PGBD5: variants seen among roughly 807,000 people sequenced by gnomAD.
The protein encoded by PGBD5 is piggyBac transposable element derived 5, also known as piggyBac transposable element-derived protein 5.
Under a neutral mutation model 47.9 loss-of-function variants are expected in PGBD5, and 14 were observed. That is an observed-to-expected ratio of 0.29 (90% confidence interval 0.19 to 0.46). The LOEUF (loss-of-function observed/expected upper bound fraction) is 0.46, where lower values mean the gene tolerates loss of function less well. Among genes scored for constraint, PGBD5 ranks in the 20% least tolerant of loss-of-function variants. PGBD5 has a pLI of 1.00. For missense variants in PGBD5, 635 were observed against 716.0 expected (o/e 0.89, Z 1.29); for synonymous variants, 316 against 306.3 (o/e 1.03, Z -0.33).
At chr1:230,359,964 G>A (rs1189551622) in intron 1 of PGBD5, among the ~76,000 whole-genome samples, 1 of 152,180 alleles carries the variant, frequency 6.6e-6, no homozygotes, top group African/African-American at 2.4e-5. Context: ...AATGAGGGCC[G>A]ATTCCGCAGG....
chr1:230,351,748 T>A (rs1667563431), intron 2 of PGBD5, among the ~76,000 whole-genome samples: 1 of 152,218 alleles, frequency 6.6e-6, no homozygotes, highest in Non-Finnish European at 1.5e-5. Flanking sequence ...ACACACAGCC[T>A]CTGGTTCTCC....
chr1:230,368,045 C>T (rs1407639247), intron 1 of PGBD5: 1 of 1,367,926 alleles, frequency 7.3e-7, no homozygotes, highest in Admixed American at 1.9e-5. Context: ...GGAATGAATA[C>T]TCCCTGGAAG....
intron 1 of PGBD5, among the ~76,000 whole-genome samples, chr1:230,400,826 A>G (rs1297536589): frequency 6.6e-6 from 1 of 152,240 alleles, no homozygotes; most frequent in African/African-American, 2.4e-5. Flanking sequence ...CTCTAGCCTG[A>G]GCAACACAGC....
intron 3 of PGBD5, among the ~76,000 whole-genome samples, chr1:230,339,310 CAAACACTCA>C (rs1422928971): frequency 1.3e-5 from 2 of 152,222 alleles, no homozygotes; most frequent in African/African-American, 2.4e-5. Flanking sequence ...CTTCCCCGTC[CAAACACTCA>C]GTGTCAGTGA....
In PGBD5 at chr1:230,357,592, A is replaced by G. The variant is rs1282589391; in HGVS notation, c.332-271T>C. On this transcript the variant is annotated intron_variant, in intron 1 of 6. Coordinates refer to ENST00000391860, the MANE Select transcript of PGBD5 (RefSeq NM_001258311.2). This position sits in a 1 kb window ranked among gnomAD's most constrained non-coding sequence, Gnocchi z 5.7. ...GCTCCTCCCAGACACCACAGGAACA[A>G]ACAGCCCTGACACCCGGAGTGCAAG... Among the ~76,000 whole-genome samples the G allele has an allele frequency of 6.6e-6, 1 of 152,114 alleles. No homozygotes were observed. The highest frequency in any genetic ancestry group is 1.9e-4 in the East Asian group (1 of 5,160).
chr1:230,331,052 C>T (rs1667205083), intron 5 of PGBD5, among the ~76,000 whole-genome samples: 1 of 152,156 alleles, frequency 6.6e-6, no homozygotes, highest in East Asian at 1.9e-4. Context: ...TCATTATCTG[C>T]TTTCACTGAG....
chr1:230,422,222 C>T (rs1299992956), intron 1 of PGBD5, among the ~76,000 whole-genome samples: 1 of 151,948 alleles, frequency 6.6e-6, no homozygotes, highest in East Asian at 1.9e-4. Flanking sequence ...GACTGACAAA[C>T]CAAACAGACG....
intron 5 of PGBD5, among the ~76,000 whole-genome samples, chr1:230,330,807 G>A (rs1667202237): frequency 6.6e-6 from 1 of 152,114 alleles, no homozygotes; most frequent in African/African-American, 2.4e-5. Flanking sequence ...AGGGACGCTA[G>A]GATTCTGAAC....
intron 1 of PGBD5, among the ~76,000 whole-genome samples, chr1:230,364,008 G>A (rs1329186659): frequency 5.3e-5 from 8 of 152,312 alleles, no homozygotes; most frequent in Non-Finnish European, 1.0e-4. Flanking sequence ...CTGAGATGAA[G>A]GACAAGCCTA....
chr1:230,392,183 A>T (rs1656801875), intron 1 of PGBD5, among the ~76,000 whole-genome samples: 2 of 152,180 alleles, frequency 1.3e-5, no homozygotes, highest in African/African-American at 2.4e-5. Flanking sequence ...AGATAACCTC[A>T]GTGCTTCCTG....
rs1287581865 is a variant in PGBD5, at chr1:230,321,124, G to A, written c.*2301C>T. 6.6e-6 allele frequency: 1 copy of A among 152,302 alleles called. No individual in the cohort carries two copies. The highest frequency in any genetic ancestry group is 1.9e-4 in the East Asian group (1 of 5,188). 9.4% of individuals were successfully genotyped at this position (152,302 alleles called of 1,614,324 possible). A position where few individuals can be genotyped will look rare whatever the true frequency, so the allele number is the denominator to read the frequency against. ...AGAGGGAAAACCACCAGGCCGGAAGGCAGGCCTGCTAGTGTCTTCAATGAA... is the reference window on the plus strand; with the variant it reads ...AGAGGGAAAACCACCAGGCCGGAAGACAGGCCTGCTAGTGTCTTCAATGAA... On this transcript the variant is annotated 3_prime_UTR_variant, in exon 7 of 7. Coordinates refer to ENST00000391860, the MANE Select transcript of PGBD5 (RefSeq NM_001258311.2).
Position 230,425,622 on chromosome 1 carries a change from G to A in PGBD5, c.307C>T (p.Pro103Ser), listed in dbSNP as rs949803507. 9.0e-6 allele frequency: 11 copies of A among 1,219,866 alleles called. No individual in the cohort carries two copies. The South Asian group carries it at 2.1e-4, about 23-fold the overall frequency. 75.6% of individuals were successfully genotyped at this position (1,219,866 alleles called of 1,614,324 possible). Residue 103 changes from proline (P) to serine (S), a missense_variant, in exon 1 of 7, where the codon CCC (proline) becomes TCC (serine). Physicochemically the swap from Pro to Ser is moderately conservative, Grantham distance 74. Transcript: ENST00000391860. This position sits in a 1 kb window ranked among gnomAD's most constrained non-coding sequence, Gnocchi z 4.7. ...CCGCCGGTATCCTCGAAGCGCGGGG[G>A]CGGGCGGTCCCGCAGCGCTGCGCTC... is the stretch of plus-strand genomic sequence containing the variant. ...GWSAALRDRP[P>S]PRFEDTGGPT...
chr1:230,391,736 C>T (rs1052208256), intron 1 of PGBD5, among the ~76,000 whole-genome samples: 1 of 152,192 alleles, frequency 6.6e-6, no homozygotes, highest in African/African-American at 2.4e-5. Context: ...ATGCTATTTC[C>T]AGAAAAATAA....
Position 230,320,927 on chromosome 1 carries a change from A to G in PGBD5, c.*2498T>C, listed in dbSNP as rs1009132075. The G allele has an allele frequency of 2.6e-5, 4 of 152,244 alleles. No individual in the cohort carries two copies. The highest frequency in any genetic ancestry group is 9.6e-5 in the African/African-American group (4 of 41,456). The allele number at this position is 152,244 out of a possible 1,614,324, so 9.4% of individuals were successfully genotyped here. ...AAGCCTCCCCTAGACCCGGCTCAAC[A>G]GCTGCCTTTTCCCATCATGTATCAG... is the stretch of plus-strand genomic sequence containing the variant. On this transcript the variant is annotated 3_prime_UTR_variant, in exon 7 of 7. Transcript: ENST00000391860.
intron 2 of PGBD5, among the ~76,000 whole-genome samples, chr1:230,353,563 G>A (rs28700224): frequency 0.13 from 19,307 of 152,054 alleles, 3,858 homozygotes; most frequent in African/African-American, 0.43. Flanking sequence ...TGGAGGGTGC[G>A]AGTGAGCTGA....
intron 5 of PGBD5, among the ~76,000 whole-genome samples, chr1:230,326,243 C>A (rs927164591): frequency 6.6e-6 from 1 of 152,158 alleles, no homozygotes; most frequent in Non-Finnish European, 1.5e-5. Context: ...CATGGCAAAA[C>A]CCCATCTCTA....
chr1:230,368,320 T>A lies in PGBD5; in HGVS notation c.332-10999A>T, dbSNP rs532688179. Among the ~76,000 whole-genome samples, 4 of 152,212 alleles carry A rather than the reference T, an allele frequency of 2.6e-5. No individual in the cohort carries two copies. In the East Asian group the frequency reaches 7.7e-4, roughly 29 times the overall value. On this transcript the variant is annotated intron_variant, in intron 1 of 6. Transcript: ENST00000391860. ...CTCCCCAAAAAGCAACCGGGAAGAG[T>A]GTGCGGCCCGGCAGGGCAGGACCAA... is the stretch of plus-strand genomic sequence containing the variant.
rs373257100 is a variant in PGBD5 at position 230,357,304 on chromosome 1, G to A, written c.349C>T (p.Pro117Ser). The A allele has an allele frequency of 5.0e-6, 8 of 1,613,208 alleles. No individual in the cohort carries two copies. Among genetic ancestry groups the A allele is most frequent in the East Asian group, 2.2e-5 (1 of 44,876 alleles). The change falls in exon 2 of 7, where the codon CCC becomes TCC. Residue 117 changes from proline (P) to serine (S), a missense_variant. By Grantham distance (74) the Pro-to-Ser change is moderately conservative. Transcript: ENST00000391860. The surrounding 1 kb of genome is among the most constrained non-coding windows in gnomAD (Gnocchi z 5.7). Reference sequence around the variant, plus strand: ...AAGTCCACGGCACTGGCGCTGGGGGGCATCTTTCGGGTGGGACCTGAAACC... The same window carrying A: ...AAGTCCACGGCACTGGCGCTGGGGGACATCTTTCGGGTGGGACCTGAAACC... ...EDTGGPTRKM[P>S]PSASAVDFFQ...
intron 1 of PGBD5, among the ~76,000 whole-genome samples, chr1:230,369,852 C>T (rs1041413391): frequency 6.6e-6 from 1 of 152,066 alleles, no homozygotes; most frequent in African/African-American, 2.4e-5. Flanking sequence ...CTAGAATTCC[C>T]TGCATACCCA....
Sources: allele counts gnomAD v4.1 joint callset (sites outside exome capture counted in the v4.1 genomes callset), GRCh38; gene constraint gnomAD v4.1.1; non-coding constraint Gnocchi (gnomAD v3.1); transcripts MANE v1.5; gene names NCBI Gene and HGNC (gene_info 2026-07-23, HGNC 2026-07-21).